The following CD96 variants were observed in gnomAD, a reference collection of about 807,000 sequenced individuals.
CD96 encodes CD96 molecule, also known as T-cell surface protein tactile.
CD96 carries 70 observed loss-of-function variants against 71.3 expected under a neutral mutation model. That is an observed-to-expected ratio of 0.98 (90% confidence interval 0.81 to 1.20). The LOEUF (loss-of-function observed/expected upper bound fraction) is 1.20, where lower values mean the gene tolerates loss of function less well. CD96 is among the 50% of genes most tolerant of loss of function. CD96 has a pLI of 0.00. For missense variants in CD96, 742 were observed against 677.5 expected, an observed-to-expected ratio of 1.10 and a Z score of -1.06; for synonymous variants, 248 against 233.0, an observed-to-expected ratio of 1.06 and a Z score of -0.59.
intron 14 of CD96, among the ~76,000 whole-genome samples, chr3:111,663,913 G>A (rs955460154): frequency 1.6e-4 from 25 of 152,092 alleles, no homozygotes; most frequent in African/African-American, 6.0e-4. Flanking sequence ...CACACGCCCA[G>A]AAATTTTTTT....
chr3:111,586,841 C>G lies in CD96; in HGVS notation c.807+1463C>G, dbSNP rs565327525. On this transcript the variant is annotated intron_variant, in intron 5 of 13. Coordinates refer to ENST00000352690, the MANE Select transcript of CD96 (RefSeq NM_005816.5). ...AGATTTGGGTGGTGACACAGCCAAA[C>G]CATATCATTCCACCTCTGACCTCTC... Among the ~76,000 whole-genome samples the G allele has an allele frequency of 2.0e-5, 3 of 152,230 alleles. No individual in the cohort carries two copies. The East Asian group carries it at 5.8e-4, about 29-fold the overall frequency.
At chr3:111,556,348 TC>T (rs1259984083) in intron 2 of CD96, among the ~76,000 whole-genome samples, 2 of 93,414 alleles carry the variant, frequency 2.1e-5, no homozygotes, top group African/African-American at 8.5e-5. Context: ...ATGCTATCCC[TC>T]CCCCCTCCCC....
At chr3:111,633,009 A>G (rs957771744) in intron 10 of CD96, among the ~76,000 whole-genome samples, 7 of 152,238 alleles carry the variant, frequency 4.6e-5, no homozygotes, top group Non-Finnish European at 7.3e-5. Context: ...ATTTGGCCCA[A>G]AAGGCCTAGC....
At chr3:111,638,393 C>T (rs1253443227) in intron 12 of CD96, among the ~76,000 whole-genome samples, 1 of 152,058 alleles carries the variant, frequency 6.6e-6, no homozygotes, top group Non-Finnish European at 1.5e-5. Flanking sequence ...TTGTCAGGGT[C>T]AAACAGGAAG....
At chr3:111,551,918 G>A (rs1559712334) in intron 2 of CD96, among the ~76,000 whole-genome samples, 1 of 152,130 alleles carries the variant, frequency 6.6e-6, no homozygotes, top group South Asian at 2.1e-4. Context: ...CCCACCAACA[G>A]TGTAAAAGCA....
At position 111,601,409 on chromosome 3, in the gene CD96, G is replaced by C. The variant is rs1937492651; in HGVS notation, c.1087+495G>C. Among the ~76,000 whole-genome samples, 4 of 152,214 alleles carry C rather than the reference G, an allele frequency of 2.6e-5. No homozygotes were observed. In the South Asian group the frequency reaches 8.3e-4, roughly 32 times the overall value. On this transcript the variant is annotated intron_variant, in intron 7 of 13. Transcript: ENST00000352690. ...TATCTTAATAATTGTAGTATCCCTAGGTTCAAGCACTATAGTTAGCTAATA... is the reference window on the plus strand; with the variant it reads ...TATCTTAATAATTGTAGTATCCCTACGTTCAAGCACTATAGTTAGCTAATA...
intron 12 of CD96, among the ~76,000 whole-genome samples, chr3:111,645,240 G>T (rs778014200): frequency 4.6e-5 from 7 of 152,064 alleles, no homozygotes; most frequent in Non-Finnish European, 1.0e-4. Context: ...TGAGATTGGA[G>T]ACTATTATTC....
chr3:111,572,028 CATG>C (rs1486759487), intron 3 of CD96, among the ~76,000 whole-genome samples: 3 of 152,164 alleles, frequency 2.0e-5, no homozygotes, highest in Non-Finnish European at 4.4e-5. Context: ...TGCAGAAACC[CATG>C]ATTAGTGTCT....
intron 10 of CD96, among the ~76,000 whole-genome samples, chr3:111,636,915 C>T (rs147064322): frequency 3.3e-5 from 5 of 152,234 alleles, no homozygotes; most frequent in Admixed American, 3.3e-4. Context: ...ATGACACACT[C>T]TGGCTAGAGG....
chr3:111,548,444 A>T (rs1440346696), intron 2 of CD96, among the ~76,000 whole-genome samples: 1 of 152,114 alleles, frequency 6.6e-6, no homozygotes, highest in East Asian at 1.9e-4. Context: ...TTTCGCTTTC[A>T]CTTGACAGAG....
In CD96 at chr3:111,600,851, C is replaced by T. The variant is rs1034652177; in HGVS notation, c.1024C>T (p.Leu342=). 6 of 1,613,140 alleles carry T rather than the reference C, an allele frequency of 3.7e-6. No homozygotes were observed. The highest frequency in any genetic ancestry group is 3.3e-4 in the Middle Eastern group (2 of 6,060). ...SDNLTIWCMA[L]SPVPGNKVWN... is the part of the protein sequence containing the mutation. ...CAACTTGACCATTTGGTGTATGGCTCTGTCTCCAGTCCCAGGAAATAAAGT... is the reference window on the plus strand; with the variant it reads ...CAACTTGACCATTTGGTGTATGGCTTTGTCTCCAGTCCCAGGAAATAAAGT... Residue 342 remains leucine, a synonymous_variant, in exon 7 of 14, where the codon CTG becomes TTG. Transcript: ENST00000352690.
chr3:111,622,045 G>A (rs971390256), intron 8 of CD96, among the ~76,000 whole-genome samples: 1 of 152,190 alleles, frequency 6.6e-6, no homozygotes, highest in Non-Finnish European at 1.5e-5. Context: ...GGATGGCAGA[G>A]GAGAAGAATT....
rs918516104 is a variant in CD96 at position 111,600,832 on chromosome 3, G to A, written c.1005G>A (p.Leu335=). 1 of 1,612,968 alleles carries A rather than the reference G, an allele frequency of 6.2e-7. No individual in the cohort carries two copies. Among genetic ancestry groups the A allele is most frequent in the Admixed American group, 1.7e-5 (1 of 60,022 alleles). Reference sequence around the variant, plus strand: ...ATAAACCAGCCCAATCAGACAACTTGACCATTTGGTGTATGGCTCTGTCTC... The same window carrying A: ...ATAAACCAGCCCAATCAGACAACTTAACCATTTGGTGTATGGCTCTGTCTC... ...HSNKPAQSDN[L]TIWCMALSPV... The change falls in exon 7 of 14, where the codon TTG becomes TTA. Residue 335 remains leucine (L), a synonymous_variant. Transcript: ENST00000352690.
chr3:111,607,009 A>T (rs1038706699), intron 8 of CD96: 18 of 600,334 alleles, frequency 3.0e-5, no homozygotes, highest in Non-Finnish European at 4.8e-5. Context: ...GTATGTTCAC[A>T]GACTTGTACA....
chr3:111,565,554 C>A (rs1332278829), intron 2 of CD96, among the ~76,000 whole-genome samples: 2 of 151,622 alleles, frequency 1.3e-5, no homozygotes, highest in African/African-American at 2.4e-5. Flanking sequence ...AAAACAATTA[C>A]AATAATTTAA....
At chr3:111,555,523 T>A (rs147189461) in intron 2 of CD96, among the ~76,000 whole-genome samples, 460 of 152,150 alleles carry the variant, frequency 3.0e-3, no homozygotes, top group African/African-American at 0.01. Flanking sequence ...TTTGAATATA[T>A]CTTTCGATCG....
intron 5 of CD96, among the ~76,000 whole-genome samples, chr3:111,587,591 T>C (rs1936774897): frequency 6.6e-6 from 1 of 152,230 alleles, no homozygotes; most frequent in Non-Finnish European, 1.5e-5. Flanking sequence ...TGGGGACTAC[T>C]TGTGGGGCCT....
At chr3:111,548,847 T>C (rs926882083) in intron 2 of CD96, among the ~76,000 whole-genome samples, 7 of 152,182 alleles carry the variant, frequency 4.6e-5, no homozygotes, top group African/African-American at 1.4e-4. Flanking sequence ...GAATGCTGGC[T>C]CTTCTTAAAT....
rs779248444 is a variant in CD96 at position 111,545,208 on chromosome 3, AC to A, written c.225del (p.Tyr75Ter). On this transcript the variant is annotated frameshift_variant, in exon 2 of 14. Coordinates refer to ENST00000352690, the MANE Select transcript of CD96 (RefSeq NM_005816.5). LOFTEE classifies it high-confidence loss of function. ...IDLIAVYHPQ[Y>X]GFYCAYGRPC... ...CTGATTGCTGTCTATCATCCCCAATACGGCTTCTACTGTGCCTATGGGAGAC... is the reference window on the plus strand; with the variant it reads ...CTGATTGCTGTCTATCATCCCCAATAGGCTTCTACTGTGCCTATGGGAGAC... 2.4e-5 allele frequency: 38 copies of A among 1,614,084 alleles called. No individual in the cohort carries two copies. Among genetic ancestry groups the A allele is most frequent in the Non-Finnish European group, 3.1e-5 (37 of 1,179,988 alleles).
Sources: allele counts gnomAD v4.1 joint callset (sites outside exome capture counted in the v4.1 genomes callset), GRCh38; gene constraint gnomAD v4.1.1; transcripts MANE v1.5; gene names NCBI Gene and HGNC (gene_info 2026-07-23, HGNC 2026-07-21).